The following PACS1 variants were observed in gnomAD, a reference collection of about 807,000 sequenced individuals.
The protein encoded by PACS1 is PACS-1.
Under a neutral mutation model 115.0 loss-of-function variants are expected in PACS1, and 24 were observed. That is an observed-to-expected ratio of 0.21 (90% confidence interval 0.15 to 0.29). The LOEUF (loss-of-function observed/expected upper bound fraction) is 0.29, where lower values mean the gene tolerates loss of function less well. PACS1 is among the 10% of genes least tolerant of loss of function. The pLI is 1.00. For synonymous variants in PACS1, 453 were observed against 504.5 expected (o/e 0.90, Z 1.37); for missense variants, 838 against 1,251.2 (o/e 0.67, Z 4.98).
In PACS1 at chr11:66,227,773, C is replaced by T. The variant is rs142400911; in HGVS notation, c.1374+189C>T. On this transcript the variant is annotated intron_variant, in intron 11 of 23. Transcript: ENST00000320580. ...GCAACCTACTACCTGGTGTAGACAC[C>T]AGGTTGCTCTCAAACTTAGTATACC... 5.3e-5 allele frequency among the ~76,000 whole-genome samples: 8 copies of T among 152,320 alleles called. No homozygotes were observed. The East Asian group carries it at 1.4e-3, about 26-fold the overall frequency.
chr11:66,107,244 T>G (rs1375227079), intron 1 of PACS1, among the ~76,000 whole-genome samples: 1 of 152,174 alleles, frequency 6.6e-6, no homozygotes, highest in Non-Finnish European at 1.5e-5. Flanking sequence ...TCAATTATGA[T>G]CTGCCTTGGT....
chr11:66,238,997 C>G, intron 20 of PACS1, 145 bp from the exon 21 acceptor site: 2 of 1,383,342 alleles, frequency 1.4e-6, no homozygotes, highest in Non-Finnish European at 2.0e-6. Context: ...TCCCCTGCTG[C>G]GGTGGTGGCT....
intron 1 of PACS1, among the ~76,000 whole-genome samples, chr11:66,190,613 A>G (rs1331065866): frequency 1.3e-5 from 2 of 152,064 alleles, no homozygotes; most frequent in African/African-American, 4.8e-5. Context: ...GCCTCGAACT[A>G]CTGGGCTCAA....
At chr11:66,096,613 C>T (rs1857788791) in intron 1 of PACS1, among the ~76,000 whole-genome samples, 1 of 151,232 alleles carries the variant, frequency 6.6e-6, no homozygotes, top group South Asian at 2.1e-4. Flanking sequence ...AAGCGATTCT[C>T]CTGCCTCAAC....
At chr11:66,120,514 T>A (rs1217331089) in intron 1 of PACS1, among the ~76,000 whole-genome samples, 1 of 152,196 alleles carries the variant, frequency 6.6e-6, no homozygotes, top group Non-Finnish European at 1.5e-5. Flanking sequence ...TCTACTAGAA[T>A]CAACATTATT....
At chr11:66,183,633 A>G (rs1391801512) in intron 1 of PACS1, among the ~76,000 whole-genome samples, 2 of 152,214 alleles carry the variant, frequency 1.3e-5, no homozygotes, top group Non-Finnish European at 2.9e-5. Flanking sequence ...TAGCCCAGGA[A>G]GGTTCTTTGC....
At chr11:66,100,655 G>A in intron 1 of PACS1, 1 of 356,222 alleles carries the variant, frequency 2.8e-6, no homozygotes, top group Non-Finnish European at 5.6e-6. Flanking sequence ...CTGCACTTTG[G>A]GCAGAGTTCA....
chr11:66,076,484 T>G (rs1204676838), intron 1 of PACS1, among the ~76,000 whole-genome samples: 1 of 151,966 alleles, frequency 6.6e-6, no homozygotes, highest in Non-Finnish European at 1.5e-5. Flanking sequence ...CACTGCAACC[T>G]CCGCCTCCCA....
chr11:66,093,751 C>T (rs1038223796), intron 1 of PACS1, among the ~76,000 whole-genome samples: 35 of 150,794 alleles, frequency 2.3e-4, no homozygotes, highest in African/African-American at 8.2e-4. Context: ...ACATTTTTTT[C>T]AGCACCACAC....
At position 66,070,371 on chromosome 11, in the gene PACS1, G is replaced by A. The variant is rs572241175; in HGVS notation, c.-116G>A. The A allele has an allele frequency of 1.1e-5, 6 of 527,224 alleles. No homozygotes were observed. In the East Asian group the frequency reaches 3.0e-4, roughly 26 times the overall value. 32.7% of individuals were successfully genotyped at this position (527,224 alleles called of 1,614,324 possible). A position where few individuals can be genotyped will look rare whatever the true frequency, so the allele number is the denominator to read the frequency against. On this transcript the variant is annotated 5_prime_UTR_variant, in exon 1 of 24. Coordinates refer to ENST00000320580, the MANE Select transcript of PACS1 (RefSeq NM_018026.4). This position sits in a 1 kb window ranked among gnomAD's most constrained non-coding sequence, Gnocchi z 5.9. ...CGTGCGTGCAGCTCGCTGGCTGCTC[G>A]CGCTCGGGCAGGCGGGCTGAGGAGG...
intron 1 of PACS1, among the ~76,000 whole-genome samples, chr11:66,178,301 A>G (rs115789396): frequency 7.8e-4 from 119 of 152,126 alleles, no homozygotes; most frequent in African/African-American, 2.8e-3. Flanking sequence ...CTTGAACAGT[A>G]TATTGTTAGT....
At chr11:66,151,867 G>A (rs1859249354) in intron 1 of PACS1, among the ~76,000 whole-genome samples, 1 of 152,272 alleles carries the variant, frequency 6.6e-6, no homozygotes, top group South Asian at 2.1e-4. Context: ...AACAGATAGA[G>A]AAATTGTAAC....
At chr11:66,140,349 G>A (rs1169473231) in intron 1 of PACS1, among the ~76,000 whole-genome samples, 1 of 152,116 alleles carries the variant, frequency 6.6e-6, no homozygotes, top group African/African-American at 2.4e-5. Flanking sequence ...GGAATGTTTG[G>A]AGAAGTTATT....
chr11:66,217,410 G>A (rs1275300012), intron 7 of PACS1: 2 of 363,342 alleles, frequency 5.5e-6, no homozygotes, highest in Non-Finnish European at 1.1e-5. Context: ...ATTCTGGAGT[G>A]CCTGCATGAA....
intron 1 of PACS1, among the ~76,000 whole-genome samples, chr11:66,103,575 A>G (rs1441728033): frequency 7.1e-6 from 1 of 140,778 alleles, no homozygotes; most frequent in Non-Finnish European, 1.5e-5. Flanking sequence ...CAGTGGCACA[A>G]TCTCATCTCA....
At chr11:66,125,819 T>C (rs757038745) in intron 1 of PACS1, among the ~76,000 whole-genome samples, 17 of 152,060 alleles carry the variant, frequency 1.1e-4, no homozygotes, top group Non-Finnish European at 2.1e-4. Flanking sequence ...GCAGGCAGAT[T>C]ACTTGAGGTC....
chr11:66,235,394 G>A lies in PACS1; in HGVS notation c.2198G>A (p.Arg733Gln), dbSNP rs116546787. ...LPVAEAMLTC[R>Q]HKFPDEDSYQ... ...GTGGCCGAAGCCATGCTGACTTGCC[G>A]GCATAAGTTGTAAGTTTGACTTTGA... is the stretch of plus-strand genomic sequence containing the variant. Residue 733 changes from arginine (R) to glutamine (Q), a missense_variant, in exon 18 of 24, where the codon CGG (arginine) becomes CAG (glutamine). Arg to Gln is a conservative substitution (Grantham distance 43). Around this residue, in one of 6 missense-constraint regions of PACS1, gnomAD observed 383 missense variants for 537.0 expected, o/e 0.71. Transcript: ENST00000320580. This position sits in a 1 kb window ranked among gnomAD's most constrained non-coding sequence, Gnocchi z 5.6. 2.0e-4 allele frequency: 326 copies of A among 1,612,658 alleles called. 4 individuals carry two copies. In the South Asian group the frequency reaches 2.9e-3, roughly 14 times the overall value.
At chr11:66,125,087 T>G (rs1056019509) in intron 1 of PACS1, among the ~76,000 whole-genome samples, 5 of 152,220 alleles carry the variant, frequency 3.3e-5, no homozygotes, top group African/African-American at 1.2e-4. Context: ...AATGCTGCTA[T>G]GAACATTGGT....
rs191994736 is a variant in PACS1, at chr11:66,215,021, C to T, written c.661-1098C>T. The stretch of plus-strand genomic sequence containing the variant: ...AATCACGACTCACTGCAACCTCTGC[C>T]GCCTGGGTTCAAGTGATTCTCCTGC... On this transcript the variant is annotated intron_variant, in intron 4 of 23. Transcript: ENST00000320580. Among the ~76,000 whole-genome samples, 518 of 151,770 alleles carry T rather than the reference C, an allele frequency of 3.4e-3. 2 individuals carry two copies. Among genetic ancestry groups the T allele is most frequent in the Non-Finnish European group, 5.9e-3 (398 of 67,922 alleles).
Sources: gnomAD v4.1 joint callset for allele counts (sites outside exome capture counted in the v4.1 genomes callset) on GRCh38, gnomAD v4.1.1 for gene constraint, gnomAD v4.1.1 regional missense constraint, Gnocchi (gnomAD v3.1) non-coding constraint, MANE v1.5 for transcripts, NCBI Gene and HGNC (gene_info 2026-07-23, HGNC 2026-07-21) for gene names.